The following CALD1 variants were observed in gnomAD, a reference collection of about 807,000 sequenced individuals.
CALD1 encodes the protein caldesmon.
Under a neutral mutation model 99.9 loss-of-function variants are expected in CALD1, and 33 were observed. That is an observed-to-expected ratio of 0.33 (90% CI 0.25 to 0.44). The LOEUF (loss-of-function observed/expected upper bound fraction) is 0.44. Ranked by LOEUF, CALD1 falls within the 20% of genes least tolerant of loss-of-function variation. The probability of loss-of-function intolerance (pLI) is 1.00; values close to 1 mark genes in which losing one functional copy is unlikely to be tolerated. For synonymous variants in CALD1, 310 were observed against 325.0 expected (o/e 0.95, Z 0.50); for missense variants, 861 against 962.1 (o/e 0.89, Z 1.39).
chr7:134,877,449 C>A (rs1725094730), intron 3 of CALD1, among the ~76,000 whole-genome samples: 1 of 152,276 alleles, frequency 6.6e-6, no homozygotes, highest in Middle Eastern at 3.4e-3. Flanking sequence ...ATGCAATAGT[C>A]TGGTACATAT....
At chr7:134,863,771 C>T (rs191651505) in intron 2 of CALD1, among the ~76,000 whole-genome samples, 194 of 151,764 alleles carry the variant, frequency 1.3e-3, no homozygotes, top group African/African-American at 4.5e-3. Flanking sequence ...TTAAAGGAAA[C>T]GAGCCATAAA....
intron 2 of CALD1, among the ~76,000 whole-genome samples, chr7:134,863,856 A>G (rs570632754): frequency 1.6e-4 from 24 of 152,200 alleles, no homozygotes; most frequent in Non-Finnish European, 2.9e-4. Context: ...AAAGTCACAA[A>G]GAAAGAGAAA....
chr7:134,859,186 C>T lies in CALD1; in HGVS notation c.-41-8507C>T, dbSNP rs1679799578. On this transcript the variant is annotated intron_variant, in intron 2 of 14. Coordinates refer to ENST00000361675, the MANE Select transcript of CALD1 (RefSeq NM_033138.4). ...AGGGGTCTACCCTTTCCATGCACCC[C>T]CATTTTTGGGTAGTTGCGCTGGAGC... Among the ~76,000 whole-genome samples, 3 of 152,190 alleles carry T rather than the reference C, an allele frequency of 2.0e-5. No homozygotes were observed. The South Asian group carries it at 6.2e-4, about 32-fold the overall frequency.
chr7:134,897,341 T>C (rs1317830826), intron 3 of CALD1, among the ~76,000 whole-genome samples: 1 of 150,148 alleles, frequency 6.7e-6, no homozygotes, highest in Non-Finnish European at 1.5e-5. Context: ...CTGAAATAAA[T>C]GCATTTTATT....
rs71172475 is a variant in CALD1 at position 134,766,141 on chromosome 7, CTTTTTTT to C, written c.-130+21800_-130+21806del. Among the ~76,000 whole-genome samples the C allele has an allele frequency of 4.7e-3, 334 of 70,796 alleles. 1 individual carries two copies. The highest frequency in any genetic ancestry group is 0.017 in the African/African-American group (288 of 17,372). 46.4% of individuals were successfully genotyped at this position (70,796 alleles called of 152,430 possible). The stretch of plus-strand genomic sequence containing the variant: ...GAGCCCCTTAAACCTCTTTTCTTTT[CTTTTTTT>C]TTTTTTTTTTTTTTTTTTTTTGAGA... On this transcript the variant is annotated intron_variant, in intron 1 of 13. Transcript: ENST00000417172.
intron 1 of CALD1, among the ~76,000 whole-genome samples, chr7:134,773,782 C>CTGTG (rs36104737): frequency 0.04 from 5,590 of 138,642 alleles, 118 homozygotes; most frequent in Middle Eastern, 0.05. Context: ...AACCTCTCTT[C>CTGTG]TGTGTGTGTG....
At chr7:134,765,958 C>G (rs1452266350) in intron 1 of CALD1, among the ~76,000 whole-genome samples, 4 of 151,938 alleles carry the variant, frequency 2.6e-5, no homozygotes, top group Non-Finnish European at 5.9e-5. Flanking sequence ...ACCTCTCTCT[C>G]TCTCTCTTTC....
intron 1 of CALD1, among the ~76,000 whole-genome samples, chr7:134,793,628 A>C (rs1312667334): frequency 6.6e-6 from 1 of 152,092 alleles, no homozygotes; most frequent in Non-Finnish European, 1.5e-5. Context: ...AGACAGGATG[A>C]CTATACCATT....
intron 3 of CALD1, among the ~76,000 whole-genome samples, chr7:134,914,749 A>G (rs757753603): frequency 2.6e-5 from 4 of 152,146 alleles, no homozygotes; most frequent in African/African-American, 4.8e-5. Flanking sequence ...CCAGCTCCCA[A>G]TGCTAGCCAT....
chr7:134,735,621 G>A, the CALD1 span, among the ~76,000 whole-genome samples: 1 of 147,584 alleles, frequency 6.8e-6, no homozygotes, highest in African/African-American at 2.5e-5. Flanking sequence ...AGCTCTCAGT[G>A]GAACTTGTTC....
At chr7:134,852,465 G>A (rs1224710878) in intron 2 of CALD1, among the ~76,000 whole-genome samples, 1 of 152,120 alleles carries the variant, frequency 6.6e-6, no homozygotes, top group African/African-American at 2.4e-5. Flanking sequence ...GTATGTGGGA[G>A]GAAGATCATT....
intron 1 of CALD1, among the ~76,000 whole-genome samples, chr7:134,763,917 CAA>C (rs34036528): frequency 0.25 from 25,303 of 103,184 alleles, 2,970 homozygotes; most frequent in East Asian, 0.48. Flanking sequence ...GACTCCATCT[CAA>C]AAAAAAAAAA....
At chr7:134,774,682 G>A (rs527254312), upstream of CALD1, among the ~76,000 whole-genome samples, 10 of 152,296 alleles carry the variant, frequency 6.6e-5, no homozygotes, top group Non-Finnish European at 1.2e-4. Context: ...AGGTTTTCCC[G>A]ATTCTGAGGC....
At chr7:134,876,046 C>T (rs539817352) in intron 3 of CALD1, among the ~76,000 whole-genome samples, 11 of 152,238 alleles carry the variant, frequency 7.2e-5, no homozygotes, top group East Asian at 3.9e-4. Flanking sequence ...AATCATCTTC[C>T]GCAGGGGAAC....
the CALD1 span, among the ~76,000 whole-genome samples, chr7:134,736,313 A>G: frequency 1.2e-5 from 1 of 82,810 alleles, no homozygotes; most frequent in African/African-American, 5.2e-5. Flanking sequence ...GTGGGAGCCT[A>G]TTGAAACCCT....
intron 1 of CALD1, among the ~76,000 whole-genome samples, chr7:134,760,637 AT>A (rs1405625946): frequency 6.6e-6 from 1 of 152,268 alleles, no homozygotes; most frequent in East Asian, 1.9e-4. Flanking sequence ...AGGATGATAT[AT>A]AAAACAGTGC....
chr7:134,956,136 G>C (rs965728091), intron 9 of CALD1, among the ~76,000 whole-genome samples: 1 of 151,892 alleles, frequency 6.6e-6, no homozygotes, highest in African/African-American at 2.4e-5. Context: ...TTTTAAGTAA[G>C]AGTTTGCTTT....
chr7:134,742,543 TG>T (rs1300893878), upstream of CALD1, among the ~76,000 whole-genome samples: 4 of 152,148 alleles, frequency 2.6e-5, no homozygotes, highest in Non-Finnish European at 4.4e-5. Context: ...AGGGGCTGGT[TG>T]GGGCCCACCT....
At chr7:134,947,018 C>T (rs1380505136) in intron 7 of CALD1, among the ~76,000 whole-genome samples, 1 of 152,148 alleles carries the variant, frequency 6.6e-6, no homozygotes, top group Admixed American at 6.5e-5. Context: ...AATAATATTC[C>T]ATGGTATGGC....
Sources: gnomAD v4.1 joint callset for allele counts (sites outside exome capture counted in the v4.1 genomes callset) on GRCh38, gnomAD v4.1.1 for gene constraint, MANE v1.5 for transcripts, NCBI Gene and HGNC (gene_info 2026-07-23, HGNC 2026-07-21) for gene names.